The following RECQL4 variants were observed in gnomAD, a reference collection of about 807,000 sequenced individuals.
RECQL4 encodes the protein RecQ like helicase 4.
RECQL4 carries 158 observed loss-of-function variants against 128.6 expected under a neutral mutation model. That is an observed-to-expected ratio of 1.23 (90% CI 1.08 to 1.40). The LOEUF (loss-of-function observed/expected upper bound fraction) is 1.40. RECQL4 is among the 40% of genes most tolerant of loss of function. RECQL4 has a pLI of 0.00. For synonymous variants in RECQL4, 996 were observed against 678.9 expected (o/e 1.47, Z -7.26); for missense variants, 2,293 against 1,649.8 (o/e 1.39, Z -6.75).
rs751779778 is a variant in RECQL4, at chr8:144,515,226, C to T, written c.1407G>A (p.Val469=). The change falls in exon 8 of 21, where the codon GTG becomes GTA. Residue 469 remains valine, a synonymous_variant. Coordinates refer to ENST00000617875, the MANE Select transcript of RECQL4 (RefSeq NM_004260.4). ...GCCCCAGCTGCTCCAGGGCCTGGAA[C>T]ACCTCAGCCGGCGTCTCTGCAGACA... ...SGQLAETPAE[V]FQALEQLGHQ... 6.3e-7 allele frequency: 1 copy of T among 1,582,194 alleles called. No individual in the cohort carries two copies. The highest frequency in any genetic ancestry group is 8.6e-7 in the Non-Finnish European group (1 of 1,164,962).
rs369681150 is a variant in RECQL4 at position 144,512,797 on chromosome 8, A to G, written c.2756-26T>C. On this transcript the variant is annotated intron_variant, in intron 15 of 20. Coordinates refer to ENST00000617875, the MANE Select transcript of RECQL4 (RefSeq NM_004260.4). ...CTGGGGGCAGAGCAGGGCTCAGCGG[A>G]CGCGGGGACAGCCCCTCCACACCCC... The G allele has an allele frequency of 5.6e-6, 9 of 1,610,300 alleles. No homozygotes were observed. In the African/African-American group the frequency reaches 1.1e-4, roughly 19 times the overall value.
In RECQL4 at chr8:144,512,372, TG is replaced by T. The variant is rs1564790269; in HGVS notation, c.3055+19del. On this transcript the variant is annotated intron_variant, in intron 17 of 20. Coordinates refer to ENST00000617875, the MANE Select transcript of RECQL4 (RefSeq NM_004260.4). Reference sequence around the variant, plus strand: ...CAGGCAGGCAGCGTCCAGGGCGGTGTGGGGTGGGGAGAGGCGCACCTGTCCT... The same window carrying T: ...CAGGCAGGCAGCGTCCAGGGCGGTGTGGGTGGGGAGAGGCGCACCTGTCCT... 1 of 1,608,490 alleles carries T rather than the reference TG, an allele frequency of 6.2e-7. No individual in the cohort carries two copies.
At chr8:144,517,670 C>G (rs994662924) in intron 1 of RECQL4, 31 bp downstream of exon 1, 1 of 1,463,620 alleles carries the variant, frequency 6.8e-7, no homozygotes, top group Non-Finnish European at 9.0e-7. Flanking sequence ...GGGCCGCGCC[C>G]TCAGCCCCTC....
In RECQL4 at chr8:144,516,755, C is replaced by G. The variant is rs750245958; in HGVS notation, c.364G>C (p.Ala122Pro). Residue 122 changes from alanine to proline, a missense_variant, in exon 5 of 21, where the codon GCC (alanine) becomes CCC (proline). Ala to Pro is a conservative substitution (Grantham distance 27). Transcript: ENST00000617875. ...NLKGTLQAGPALGRRPWPLGR... is the reference protein window; with the variant it reads ...NLKGTLQAGPPLGRRPWPLGR... ...AGAGGCCACGGTCTGCGGCCCAGGG[C>G]TGGTCCGGCCTGGGAGGGGAACAAC... The G allele has an allele frequency of 6.6e-7, 1 of 1,521,496 alleles. No individual in the cohort carries two copies. Among genetic ancestry groups the G allele is most frequent in the Non-Finnish European group, 8.8e-7 (1 of 1,138,814 alleles). The allele number at this position is 1,521,496 out of a possible 1,614,324, so 94.2% of individuals were successfully genotyped here.
chr8:144,515,304 G>C, intron 7 of RECQL4, 22 bp downstream of exon 7: 1 of 1,611,878 alleles, frequency 6.2e-7, no homozygotes, highest in Non-Finnish European at 8.5e-7. Context: ...TGAAGGCTCT[G>C]GGCCAGAAGC....
Position 144,513,146 on chromosome 8 carries a change from G to A in RECQL4, c.2464-8C>T, listed in dbSNP as rs373671393. On this transcript the variant is annotated splice_polypyrimidine_tract_variant and splice_region_variant and intron_variant, in intron 14 of 20. Coordinates refer to ENST00000617875, the MANE Select transcript of RECQL4 (RefSeq NM_004260.4). ...CTCTCGCAGGTCTTCGCCCTGCAGG[G>A]CAACTTTCATGAGGGTGGGGTGGAC... is the stretch of plus-strand genomic sequence containing the variant. 14 of 1,513,536 alleles carry A rather than the reference G, an allele frequency of 9.2e-6. No individual in the cohort carries two copies. The highest frequency in any genetic ancestry group is 9.1e-5 in the Admixed American group (5 of 54,702). The allele number at this position is 1,513,536 out of a possible 1,614,324, so 93.8% of individuals were successfully genotyped here. A position where few individuals can be genotyped will look rare whatever the true frequency, so the allele number is the denominator to read the frequency against.
chr8:144,514,832 C>T (rs575265471), intron 9 of RECQL4, 104 bp downstream of exon 9: 2 of 1,414,548 alleles, frequency 1.4e-6, no homozygotes, highest in East Asian at 2.5e-5. Context: ...CACCTTGAAG[C>T]TCCCAGGGGA....
In RECQL4 at chr8:144,511,967, C is replaced by T. The variant is rs35101495; in HGVS notation, c.3337G>A (p.Gly1113Arg). The change falls in exon 19 of 21, where the codon GGG becomes AGG. Residue 1113 changes from glycine (G) to arginine (R), a missense_variant. By Grantham distance (125) the Gly-to-Arg change is moderately radical. Transcript: ENST00000617875. ...TCCTCCATGCCTCCCGGCTCCTGCC[C>T]TTCCTCTTCCTCAAAGTAGCGGCCG... ...LLGRYFEEEE[G>R]QEPGGMEDAQ... is the part of the protein sequence containing the mutation. The T allele has an allele frequency of 8.1e-6, 13 of 1,611,598 alleles. No homozygotes were observed. The highest frequency in any genetic ancestry group is 1.0e-5 in the Non-Finnish European group (12 of 1,179,730).
rs2130740351 is a variant in RECQL4, at chr8:144,517,427, G to A, written c.200C>T (p.Ala67Val). The A allele has an allele frequency of 6.3e-7, 1 of 1,579,390 alleles. No homozygotes were observed. The highest frequency in any genetic ancestry group is 8.6e-7 in the Non-Finnish European group (1 of 1,168,176). ...GGLRSSESLPAAAEEAPEPRC... is the reference protein window; with the variant it reads ...GGLRSSESLPVAAEEAPEPRC... ...GGGCCTGGGTACCTCTTCGGCCGCC[G>A]CGGGGAGCGACTCGGAGCTGCGGAG... Residue 67 changes from alanine to valine, a missense_variant, in exon 3 of 21, where the codon GCG becomes GTG. Ala to Val is a moderately conservative substitution (Grantham distance 64, BLOSUM62 0). Coordinates refer to ENST00000617875, the MANE Select transcript of RECQL4 (RefSeq NM_004260.4).
At position 144,513,074 on chromosome 8, in the gene RECQL4, T is replaced by G. The variant is rs1246010681; in HGVS notation, c.2528A>C (p.Lys843Thr). 6.3e-7 allele frequency: 1 copy of G among 1,578,664 alleles called. No homozygotes were observed. The change falls in exon 15 of 21, where the codon AAG (lysine) becomes ACG (threonine). Residue 843 changes from lysine (K) to threonine (T), a missense_variant. Physicochemically the swap from Lys to Thr is moderately conservative, Grantham distance 78. Transcript: ENST00000617875. ...HADSTDFLAV[K>T]RLVQRVFPAC... ...TGGGAACACGCGCTGTACCAGCCTC[T>G]TCACAGCCAGGAAGTCCGTGCTGTC...
rs369167534 is a variant in RECQL4 at position 144,515,977 on chromosome 8, C to G, written c.1131+11G>C. The G allele has an allele frequency of 1.9e-6, 3 of 1,610,364 alleles. No homozygotes were observed. Among genetic ancestry groups the G allele is most frequent in the Non-Finnish European group, 2.5e-6 (3 of 1,178,124 alleles). ...AAAGGGAATGCCTGTCCTGGCCCGT[C>G]GCTGTCTTACCTGCTTGCGGAGGAG... On this transcript the variant is annotated intron_variant, in intron 5 of 20. Transcript: ENST00000617875.
rs747642273 is a variant in RECQL4, at chr8:144,517,056, G to A, written c.348C>T (p.Thr116=). 5 of 1,609,948 alleles carry A rather than the reference G, an allele frequency of 3.1e-6. No individual in the cohort carries two copies. In the South Asian group the frequency reaches 4.4e-5, roughly 14 times the overall value. The change falls in exon 4 of 21, where the codon ACC becomes ACT. Residue 116 remains threonine, a synonymous_variant. Transcript: ENST00000617875. ...GQRLKANLKG[T]LQAGPALGRR... ...CTGCCTGCCCACTCCTCACCTGCAG[G>A]GTGCCTTTCAGATTGGCCTTGAGCC...
At chr8:144,513,767 CAGTGGGG>C (rs1827713247) in intron 12 of RECQL4, 55 bp from the exon 13 acceptor site, 2 of 1,294,294 alleles carry the variant, frequency 1.5e-6, no homozygotes, top group Non-Finnish European at 2.0e-6. Context: ...TCGGCGTGTG[CAGTGGGG>C]AGTGAGGAGG....
In RECQL4 at chr8:144,512,704, G is replaced by A. The variant is rs1827479732; in HGVS notation, c.2823C>T (p.Thr941=). The A allele has an allele frequency of 1.2e-6, 2 of 1,612,344 alleles. No homozygotes were observed. Among genetic ancestry groups the A allele is most frequent in the Admixed American group, 3.3e-5 (2 of 60,010 alleles). The change falls in exon 16 of 21, where the codon ACC becomes ACT. Residue 941 remains threonine, a synonymous_variant. Coordinates refer to ENST00000617875, the MANE Select transcript of RECQL4 (RefSeq NM_004260.4). Reference sequence around the variant, plus strand: ...GGCAGTTCAGACGGCAATGGGTATAGGTGGTCGCCAGCAGCTCCAGCCAGT... The same window carrying A: ...GGCAGTTCAGACGGCAATGGGTATAAGTGGTCGCCAGCAGCTCCAGCCAGT... ...PHHWLELLAT[T]YTHCRLNCPG... is the part of the protein sequence containing the mutation.
In RECQL4 at chr8:144,517,506, G is replaced by A. The variant is rs776083037; in HGVS notation, c.121C>T (p.Leu41Phe). Residue 41 changes from leucine (L) to phenylalanine (F), a missense_variant and splice_region_variant, in exon 3 of 21, where the codon CTC becomes TTC. Coordinates refer to ENST00000617875, the MANE Select transcript of RECQL4 (RefSeq NM_004260.4). ...VEAAPEETRALYREYRTLKRT... is the reference protein window; with the variant it reads ...VEAAPEETRAFYREYRTLKRT... ...TTCAGAGTGCGGTATTCCCGGTAGA[G>A]CGCTGCGTGGGCGAGCGGGAGGCGG... The A allele has an allele frequency of 6.9e-6, 11 of 1,590,458 alleles. No homozygotes were observed. The South Asian group carries it at 9.0e-5, about 13-fold the overall frequency.
Position 144,511,568 on chromosome 8 carries a change from C to G in RECQL4, c.3503-13G>C, listed in dbSNP as rs1299809966. On this transcript the variant is annotated splice_polypyrimidine_tract_variant and intron_variant, in intron 20 of 20. Transcript: ENST00000617875. ...TAGCAGGGGCTTCCTACGGTGGAGC[C>G]AAGACACAGCCGTGAGCCCCAGCCC... 1 of 1,610,950 alleles carries G rather than the reference C, an allele frequency of 6.2e-7. No individual in the cohort carries two copies. The highest frequency in any genetic ancestry group is 1.1e-5 in the South Asian group (1 of 91,070).
In RECQL4 at chr8:144,516,638, G is replaced by A; in HGVS notation, c.481C>T (p.Gln161Ter). The A allele has an allele frequency of 1.2e-6, 2 of 1,608,630 alleles. No homozygotes were observed. Among genetic ancestry groups the A allele is most frequent in the Non-Finnish European group, 1.7e-6 (2 of 1,177,726 alleles). ...FAEKVSDEPPQLPEPQPRPGR... is the reference protein window; with the variant it reads ...FAEKVSDEPP ...GGCCTTGGCTGGGGCTCAGGGAGCT[G>A]TGGAGGCTCATCACTGACTTTTTCT... is the stretch of plus-strand genomic sequence containing the variant. The change falls in exon 5 of 21, where the codon CAG becomes TAG. Residue 161 changes from glutamine to a stop codon, truncating the protein, a stop_gained. Coordinates refer to ENST00000617875, the MANE Select transcript of RECQL4 (RefSeq NM_004260.4). LOFTEE classifies it high-confidence loss of function.
At position 144,513,025 on chromosome 8, in the gene RECQL4, C is replaced by T. The variant is rs1827546221; in HGVS notation, c.2577G>A (p.Arg859=). ...VFPACTCTCT[R]PPSEQEGAVG... ...CGGCCCCTTCCTGCTCCGAGGGCGGCCTGGTGCAGGTGCAGGTGCAGGCTG... is the reference window on the plus strand; with the variant it reads ...CGGCCCCTTCCTGCTCCGAGGGCGGTCTGGTGCAGGTGCAGGTGCAGGCTG... Residue 859 remains arginine (R), a synonymous_variant, in exon 15 of 21, where the codon AGG becomes AGA. Coordinates refer to ENST00000617875, the MANE Select transcript of RECQL4 (RefSeq NM_004260.4). 3 of 1,573,272 alleles carry T rather than the reference C, an allele frequency of 1.9e-6. No homozygotes were observed. Among genetic ancestry groups the T allele is most frequent in the African/African-American group, 1.4e-5 (1 of 73,932 alleles).
Position 144,511,967 on chromosome 8 carries a change from C to G in RECQL4, c.3337G>C (p.Gly1113Arg), listed in dbSNP as rs35101495. The G allele has an allele frequency of 6.3e-4, 1,019 of 1,611,598 alleles. 4 individuals carry two copies. In the African/African-American group the frequency reaches 9.5e-3, roughly 15 times the overall value. ...LLGRYFEEEE[G>R]QEPGGMEDAQ... ...TCCTCCATGCCTCCCGGCTCCTGCC[C>G]TTCCTCTTCCTCAAAGTAGCGGCCG... The change falls in exon 19 of 21, where the codon GGG becomes CGG. Residue 1113 changes from glycine (G) to arginine (R), a missense_variant. Gly to Arg is a moderately radical substitution (Grantham distance 125, BLOSUM62 -2). Coordinates refer to ENST00000617875, the MANE Select transcript of RECQL4 (RefSeq NM_004260.4).
Sources: gnomAD v4.1 joint callset for allele counts on GRCh38, gnomAD v4.1.1 for gene constraint, MANE v1.5 for transcripts, NCBI Gene and HGNC (gene_info 2026-07-23, HGNC 2026-07-21) for gene names.